The following CSNK1A1 variants were observed in gnomAD, a reference collection of about 807,000 sequenced individuals.
The protein encoded by CSNK1A1 is casein kinase 1 alpha 1.
A neutral mutation model predicts 46.1 loss-of-function variants in CSNK1A1; 7 were observed. The observed-to-expected ratio is 0.15, with a 90% CI of 0.09 to 0.29. The LOEUF (loss-of-function observed/expected upper bound fraction) is 0.29. Ranked by LOEUF, CSNK1A1 falls within the 10% of genes least tolerant of loss-of-function variation. The pLI is 1.00. For synonymous variants in CSNK1A1, 137 were observed against 141.5 expected, an observed-to-expected ratio of 0.97 and a Z score of 0.23; for missense variants, 96 against 417.1, an observed-to-expected ratio of 0.23 and a Z score of 6.71.
intron 2 of CSNK1A1, among the ~76,000 whole-genome samples, chr5:149,535,366 C>T (rs1353196628): frequency 6.6e-6 from 1 of 152,168 alleles, no homozygotes; most frequent in Non-Finnish European, 1.5e-5. Context: ...AACTTTACTA[C>T]ACAAGAGTAA....
chr5:149,527,269 AG>A (rs1297827522), intron 2 of CSNK1A1, among the ~76,000 whole-genome samples: 1 of 152,036 alleles, frequency 6.6e-6, no homozygotes, highest in Non-Finnish European at 1.5e-5. Context: ...CTGGGATTAT[AG>A]GCGCCTGCCA....
At chr5:149,527,191 G>A (rs1158077170) in intron 2 of CSNK1A1, among the ~76,000 whole-genome samples, 1 of 151,652 alleles carries the variant, frequency 6.6e-6, no homozygotes, top group African/African-American at 2.4e-5. Context: ...GCAGTGGTGC[G>A]ATCTTGGCTC....
At chr5:149,524,899 A>G (rs1269065285) in intron 3 of CSNK1A1, 146 bp downstream of exon 3, 4 of 689,922 alleles carry the variant, frequency 5.8e-6, no homozygotes, top group African/African-American at 1.9e-5. Context: ...ATAGGAAAAT[A>G]TCTACAAGTC....
At chr5:149,532,698 A>C (rs760152517) in intron 2 of CSNK1A1, among the ~76,000 whole-genome samples, 1 of 152,130 alleles carries the variant, frequency 6.6e-6, no homozygotes, top group African/African-American at 2.4e-5. Flanking sequence ...ACCCCCCACA[A>C]AAATCAGTGA....
chr5:149,497,904 G>A, intron 9 of CSNK1A1: 2 of 877,062 alleles, frequency 2.3e-6, no homozygotes, highest in Non-Finnish European at 2.7e-6. Flanking sequence ...CATGATCTTG[G>A]CTCACCGCAA....
chr5:149,538,181 C>T (rs1227707144), intron 2 of CSNK1A1, among the ~76,000 whole-genome samples: 1 of 151,982 alleles, frequency 6.6e-6, no homozygotes, highest in Non-Finnish European at 1.5e-5. Flanking sequence ...TGCCACCACG[C>T]CCAGCTAATT....
At chr5:149,519,008 T>C (rs1410507106) in intron 4 of CSNK1A1, among the ~76,000 whole-genome samples, 1 of 151,292 alleles carries the variant, frequency 6.6e-6, no homozygotes, top group Non-Finnish European at 1.5e-5. Context: ...AGAACAGTAA[T>C]TTTTTTTTCA....
intron 2 of CSNK1A1, among the ~76,000 whole-genome samples, chr5:149,533,876 A>C (rs867015676): frequency 4.6e-5 from 7 of 152,212 alleles, no homozygotes; most frequent in African/African-American, 1.7e-4. Flanking sequence ...AAGCTTGATC[A>C]AATGTTTTCT....
intron 2 of CSNK1A1, among the ~76,000 whole-genome samples, chr5:149,532,335 G>A (rs1761928986): frequency 6.6e-6 from 1 of 151,790 alleles, no homozygotes; most frequent in Middle Eastern, 3.2e-3. Flanking sequence ...GGCTCATGCT[G>A]AGATCATACT....
At chr5:149,498,848 A>G in intron 9 of CSNK1A1, 3 of 985,242 alleles carry the variant, frequency 3.0e-6, no homozygotes, top group Non-Finnish European at 3.6e-6. Context: ...ATACAAGGAA[A>G]CTCTTGTGCC....
In CSNK1A1 at chr5:149,512,803, G is replaced by A. The variant is rs1319516186; in HGVS notation, c.596+267C>T. 3.3e-5 allele frequency among the ~76,000 whole-genome samples: 5 copies of A among 152,018 alleles called. No homozygotes were observed. In the East Asian group the frequency reaches 5.8e-4, roughly 18 times the overall value. On this transcript the variant is annotated intron_variant, in intron 5 of 9. Coordinates refer to ENST00000377843, the MANE Select transcript of CSNK1A1 (RefSeq NM_001892.6). ...ACTATCTTCAGCTGCAAAAAGAAAC[G>A]TCAACATTGCACTTATGCTTCTAAC...
chr5:149,507,303 T>C (rs778932699), intron 7 of CSNK1A1, among the ~76,000 whole-genome samples, 170 bp from the exon 8 acceptor site: 6 of 152,142 alleles, frequency 3.9e-5, no homozygotes, highest in Non-Finnish European at 8.8e-5. Context: ...TTAAATAAAA[T>C]TTCATGACCC....
intron 9 of CSNK1A1, chr5:149,498,851 C>G (rs1023096304): frequency 1.0e-6 from 1 of 985,256 alleles, no homozygotes; most frequent in Non-Finnish European, 1.2e-6. Context: ...CAAGGAAACT[C>G]TTGTGCCTTT....
intron 2 of CSNK1A1, among the ~76,000 whole-genome samples, chr5:149,544,041 A>G (rs1297702897): frequency 6.6e-6 from 1 of 152,204 alleles, no homozygotes; most frequent in East Asian, 1.9e-4. Context: ...TCCAGGACTA[A>G]AAGTCCTTAG....
At position 149,527,129 on chromosome 5, in the gene CSNK1A1, C is replaced by CT. The variant is rs1313549777; in HGVS notation, c.231-1959_231-1958insA. On this transcript the variant is annotated intron_variant, in intron 2 of 9. Coordinates refer to ENST00000377843, the MANE Select transcript of CSNK1A1 (RefSeq NM_001892.6). The stretch of plus-strand genomic sequence containing the variant: ...TGTGTCAACGTGACAGCAAAAGAGC[C>CT]ATTTTTTTTTTTTTGAGACACAGTC... 2.2e-5 allele frequency among the ~76,000 whole-genome samples: 3 copies of CT among 137,382 alleles called. No individual in the cohort carries two copies. In the Admixed American group the frequency reaches 2.4e-4, roughly 11 times the overall value. 90.1% of individuals were successfully genotyped at this position (137,382 alleles called of 152,430 possible). A position where few individuals can be genotyped will look rare whatever the true frequency, so the allele number is the denominator to read the frequency against.
intron 9 of CSNK1A1, chr5:149,504,313 A>G (rs1476485251): frequency 4.1e-6 from 4 of 984,550 alleles, no homozygotes; most frequent in Non-Finnish European, 4.8e-6. Context: ...ATCAGTTAAT[A>G]ATATTTCTTG....
chr5:149,545,274 C>A (rs570699064), intron 2 of CSNK1A1: 132 of 244,100 alleles, frequency 5.4e-4, no homozygotes, highest in African/African-American at 2.3e-3. Context: ...TTTTCCCCTG[C>A]CTCAGGTTTA....
At chr5:149,536,257 A>G (rs1459028445) in intron 2 of CSNK1A1, among the ~76,000 whole-genome samples, 2 of 152,078 alleles carry the variant, frequency 1.3e-5, no homozygotes, top group Admixed American at 1.3e-4. Context: ...CCAGCCTCAA[A>G]TGGTTTTCTT....
chr5:149,494,170 C>G lies in CSNK1A1; in HGVS notation c.*2683G>C, dbSNP rs551811657. ...TTAAACTTATGACTATTACAGTATG[C>G]TCAGCTTAAAACATTTATGAGTACT... On this transcript the variant is annotated 3_prime_UTR_variant, in exon 10 of 10. Transcript: ENST00000377843. 1 of 152,156 alleles carries G rather than the reference C, an allele frequency of 6.6e-6. No homozygotes were observed. Among genetic ancestry groups the G allele is most frequent in the East Asian group, 1.9e-4 (1 of 5,190 alleles). 9.4% of individuals were successfully genotyped at this position (152,156 alleles called of 1,614,324 possible). A position where few individuals can be genotyped will look rare whatever the true frequency, so the allele number is the denominator to read the frequency against.
Sources: gnomAD v4.1 joint callset for allele counts (sites outside exome capture counted in the v4.1 genomes callset) on GRCh38, gnomAD v4.1.1 for gene constraint, MANE v1.5 for transcripts, NCBI Gene and HGNC (gene_info 2026-07-23, HGNC 2026-07-21) for gene names.